The following ARHGAP26 variants were observed in gnomAD, a reference collection of about 807,000 sequenced individuals.
ARHGAP26 encodes rho GTPase-activating protein 26.
ARHGAP26 carries 38 observed loss-of-function variants against 104.8 expected under a neutral mutation model. The ratio of observed to expected loss-of-function variants is 0.36; its 90% CI spans 0.28 to 0.48. ARHGAP26 has a LOEUF of 0.48. Ranked by LOEUF, ARHGAP26 falls within the 20% of genes least tolerant of loss-of-function variation. The pLI is 0.99. For synonymous variants in ARHGAP26, 341 were observed against 340.0 expected (o/e 1.00, Z -0.03); for missense variants, 704 against 947.9 (o/e 0.74, Z 3.38).
rs185543924 is a variant in ARHGAP26, at chr5:142,954,306, C to T, written c.1107+22181C>T. 5.1e-4 allele frequency among the ~76,000 whole-genome samples: 78 copies of T among 152,320 alleles called. 1 individual carries two copies. Among genetic ancestry groups the T allele is most frequent in the African/African-American group, 1.6e-3 (68 of 41,572 alleles). On this transcript the variant is annotated intron_variant, in intron 11 of 22. Coordinates refer to ENST00000645722, the MANE Select transcript of ARHGAP26 (RefSeq NM_001135608.3). ...AGGTTATGCTTGCTTTCTCTGCTCC[C>T]GTGGTCAGAATTTTATCTGAGCCTA...
chr5:143,116,906 T>G (rs1415504504), intron 17 of ARHGAP26, among the ~76,000 whole-genome samples: 1 of 152,062 alleles, frequency 6.6e-6, no homozygotes, highest in African/African-American at 2.4e-5. Context: ...CCTCGGGAGA[T>G]CCACTGCTTC....
At chr5:142,940,276 C>A (rs755272248) in intron 11 of ARHGAP26, among the ~76,000 whole-genome samples, 2 of 152,090 alleles carry the variant, frequency 1.3e-5, no homozygotes, top group Non-Finnish European at 1.5e-5. Context: ...TCTAGTGTGA[C>A]GATGCAGGCC....
chr5:142,797,927 T>A (rs1049585896), intron 1 of ARHGAP26, among the ~76,000 whole-genome samples: 3 of 152,198 alleles, frequency 2.0e-5, no homozygotes, highest in Non-Finnish European at 4.4e-5. Context: ...CAGTTGATGT[T>A]CATGCTGCTG....
intron 11 of ARHGAP26, among the ~76,000 whole-genome samples, chr5:142,951,619 C>A (rs1220591585): frequency 6.6e-6 from 1 of 152,106 alleles, no homozygotes; most frequent in Admixed American, 6.5e-5. Context: ...TCTTATCATC[C>A]TTTAAGGGTC....
intron 11 of ARHGAP26, among the ~76,000 whole-genome samples, chr5:142,990,772 A>T (rs777949932): frequency 5.9e-5 from 9 of 152,198 alleles, no homozygotes; most frequent in African/African-American, 1.4e-4. Flanking sequence ...AGGCTGCAGA[A>T]CAGCAAATAT....
intron 11 of ARHGAP26, among the ~76,000 whole-genome samples, chr5:142,944,637 T>C (rs1192270775): frequency 6.6e-6 from 1 of 152,242 alleles, no homozygotes; most frequent in African/African-American, 2.4e-5. Flanking sequence ...CTCAGATTAC[T>C]AATGAGATTG....
At chr5:142,818,879 C>G (rs1194717460) in intron 1 of ARHGAP26, among the ~76,000 whole-genome samples, 1 of 152,092 alleles carries the variant, frequency 6.6e-6, no homozygotes, top group African/African-American at 2.4e-5. Flanking sequence ...TAGAATGCCC[C>G]TTCCCTGACC....
At chr5:143,167,868 C>T (rs75783524) in intron 20 of ARHGAP26, among the ~76,000 whole-genome samples, 3,703 of 152,218 alleles carry the variant, frequency 0.024, 92 homozygotes, top group Non-Finnish European at 0.034. Context: ...TTAACTCTCT[C>T]TGCCATTCAA....
chr5:142,795,372 T>C (rs1597654632), intron 1 of ARHGAP26, among the ~76,000 whole-genome samples: 2 of 152,186 alleles, frequency 1.3e-5, no homozygotes, highest in Admixed American at 1.3e-4. Flanking sequence ...CACAGCATGC[T>C]CTAGGGAAGA....
intron 20 of ARHGAP26, among the ~76,000 whole-genome samples, chr5:143,171,832 G>A (rs2107622): frequency 0.15 from 22,466 of 152,116 alleles, 2,063 homozygotes; most frequent in South Asian, 0.41. Flanking sequence ...TATCTCTGGC[G>A]TAGGCACAAT....
Position 143,041,834 on chromosome 5 carries a change from TG to T in ARHGAP26, c.1230del (p.Tyr411IlefsTer14). The T allele has an allele frequency of 6.2e-7, 1 of 1,606,176 alleles. No individual in the cohort carries two copies. The highest frequency in any genetic ancestry group is 8.5e-7 in the Non-Finnish European group (1 of 1,176,094). On this transcript the variant is annotated frameshift_variant, in exon 14 of 23. Coordinates refer to ENST00000645722, the MANE Select transcript of ARHGAP26 (RefSeq NM_001135608.3). LOFTEE classifies it high-confidence loss of function. ...TCCTCAGGGATCAACGAGCAAGGGCTGTATCGAATTGTGGGTGTCAACTCCA... is the reference window on the plus strand; with the variant it reads ...TCCTCAGGGATCAACGAGCAAGGGCTTATCGAATTGTGGGTGTCAACTCCA... ...VETRGINEQG[L>X]YRIVGVNSRV...
chr5:142,919,370 G>T (rs1762898469), intron 10 of ARHGAP26: 2 of 398,474 alleles, frequency 5.0e-6, no homozygotes, highest in Non-Finnish European at 8.8e-6. Flanking sequence ...CTTCCTCACA[G>T]ACCTCAGGAG....
intron 11 of ARHGAP26, among the ~76,000 whole-genome samples, chr5:142,955,137 GCA>G (rs1769039434): frequency 3.4e-5 from 4 of 117,650 alleles, no homozygotes; most frequent in Non-Finnish European, 7.3e-5. Context: ...CCCCATCTCT[GCA>G]CACACACACA....
intron 8 of ARHGAP26, 117 bp from the exon 9 acceptor site, chr5:142,907,587 A>G (rs1252553007): frequency 8.0e-6 from 4 of 498,044 alleles, no homozygotes; most frequent in Non-Finnish European, 1.4e-5. Context: ...TACTTCTAAC[A>G]TAGTTTAAGG....
chr5:142,994,327 G>C (rs1776069110), intron 11 of ARHGAP26, among the ~76,000 whole-genome samples: 1 of 152,190 alleles, frequency 6.6e-6, no homozygotes, highest in South Asian at 2.1e-4. Context: ...GAAACAGCTA[G>C]TAGTTGCATG....
chr5:143,111,309 T>TCA lies in ARHGAP26; in HGVS notation c.1539-9678_1539-9677insAC, dbSNP rs1341088475. Among the ~76,000 whole-genome samples the TCA allele has an allele frequency of 1.1e-4, 16 of 151,940 alleles. 1 individual carries two copies. The highest frequency in any genetic ancestry group is 9.8e-4 in the Admixed American group (15 of 15,282). Reference sequence around the variant, plus strand: ...GATATGTATTGTATCTCTCCCTCTGTCTGTCAGTCTCTCTCTCTCTCTGCC... The same window carrying TCA: ...GATATGTATTGTATCTCTCCCTCTGTCACTGTCAGTCTCTCTCTCTCTCTGCC... On this transcript the variant is annotated intron_variant, in intron 17 of 22. Coordinates refer to ENST00000645722, the MANE Select transcript of ARHGAP26 (RefSeq NM_001135608.3).
chr5:143,141,931 A>C (rs974199967), intron 19 of ARHGAP26, among the ~76,000 whole-genome samples: 2 of 152,116 alleles, frequency 1.3e-5, no homozygotes, highest in Non-Finnish European at 2.9e-5. Context: ...ACCCACAGTG[A>C]CTTCCCCATT....
chr5:142,923,404 A>G (rs1210780444), intron 10 of ARHGAP26, among the ~76,000 whole-genome samples: 5 of 152,216 alleles, frequency 3.3e-5, no homozygotes, highest in Non-Finnish European at 5.9e-5. Flanking sequence ...ATTGTGAGAT[A>G]GAATAGTAAA....
chr5:143,134,553 T>A (rs1797712409), intron 19 of ARHGAP26, among the ~76,000 whole-genome samples: 2 of 152,220 alleles, frequency 1.3e-5, no homozygotes, highest in South Asian at 4.1e-4. Flanking sequence ...CGGCTTGATC[T>A]TTTACTCCAC....
Sources: allele counts gnomAD v4.1 joint callset (sites outside exome capture counted in the v4.1 genomes callset), GRCh38; gene constraint gnomAD v4.1.1; transcripts MANE v1.5; gene names NCBI Gene and HGNC (gene_info 2026-07-23, HGNC 2026-07-21).